The following CEP350 variants were observed in gnomAD, a reference collection of about 807,000 sequenced individuals.
The protein encoded by CEP350 is centrosome-associated protein 350.
In CEP350, 126 loss-of-function variants were observed where a neutral mutation model predicts 331.8. The observed-to-expected ratio is 0.38, with a 90% CI of 0.33 to 0.44. CEP350 has a LOEUF of 0.44. Among genes scored for constraint, CEP350 ranks in the 20% least tolerant of loss-of-function variants. CEP350 has a pLI of 1.00. For synonymous variants in CEP350, 1,200 were observed against 1,259.5 expected (o/e 0.95, Z 1.00); for missense variants, 3,406 against 3,634.6 (o/e 0.94, Z 1.62).
intron 1 of CEP350, among the ~76,000 whole-genome samples, chr1:179,982,723 G>C (rs1652370972): frequency 6.6e-6 from 1 of 152,172 alleles, no homozygotes; most frequent in Non-Finnish European, 1.5e-5. Flanking sequence ...AGATATTCTA[G>C]TAATATAACT....
At chr1:179,961,906 C>G (rs1345863075) in intron 1 of CEP350, among the ~76,000 whole-genome samples, 2 of 152,080 alleles carry the variant, frequency 1.3e-5, no homozygotes, top group Non-Finnish European at 2.9e-5. Context: ...AGTGCAGTGG[C>G]TTGATCTAGG....
intron 6 of CEP350, among the ~76,000 whole-genome samples, chr1:180,002,736 A>G (rs1653948250): frequency 6.6e-6 from 1 of 152,228 alleles, no homozygotes; most frequent in Non-Finnish European, 1.5e-5. Flanking sequence ...TGGTATAGTC[A>G]TACAATGGAC....
Position 180,078,488 on chromosome 1 carries a change from A to G in CEP350, c.5793A>G (p.Pro1931=). The G allele has an allele frequency of 6.2e-7, 1 of 1,613,006 alleles. No homozygotes were observed. The highest frequency in any genetic ancestry group is 1.3e-5 in the African/African-American group (1 of 75,032). The change falls in exon 29 of 38, where the codon CCA becomes CCG. Residue 1931 remains proline, a synonymous_variant. Transcript: ENST00000367607. ...AAATAGCAAGTGAAGAGGAATCTCC[A>G]GTACCTCTGTACTCTCATCTAAACA... The part of the protein sequence containing the change: ...QKEIASEEES[P]VPLYSHLNSE...
intron 18 of CEP350, 117 bp from the exon 19 acceptor site, chr1:180,041,545 T>A: frequency 1.0e-6 from 1 of 981,504 alleles, no homozygotes; most frequent in Admixed American, 3.0e-5. Flanking sequence ...AAATCCAGAT[T>A]GTAGTAAAGT....
intron 4 of CEP350, 31 bp from the exon 5 acceptor site, chr1:179,992,031 A>G (rs753246445): frequency 2.0e-6 from 3 of 1,497,186 alleles, no homozygotes; most frequent in African/African-American, 1.5e-5. Flanking sequence ...ATTTTATATT[A>G]TATGTTCTCA....
At chr1:180,101,308 T>TA (rs1344158868) in intron 37 of CEP350, among the ~76,000 whole-genome samples, 2 of 152,138 alleles carry the variant, frequency 1.3e-5, no homozygotes, top group East Asian at 3.8e-4. Flanking sequence ...AACAAAATGA[T>TA]ACTGTCAGCT....
At chr1:180,009,166 C>A (rs570750764) in intron 8 of CEP350, among the ~76,000 whole-genome samples, 1 of 152,138 alleles carries the variant, frequency 6.6e-6, no homozygotes. Flanking sequence ...TGTGCCACCA[C>A]GCCCAGCTAA....
At chr1:179,995,835 C>T (rs1653420831) in intron 5 of CEP350, among the ~76,000 whole-genome samples, 1 of 152,184 alleles carries the variant, frequency 6.6e-6, no homozygotes, top group Admixed American at 6.5e-5. Flanking sequence ...TTTAACATTA[C>T]TAACCACATT....
At chr1:180,037,566 AACAAC>A (rs1656448463) in intron 17 of CEP350, among the ~76,000 whole-genome samples, 2 of 152,188 alleles carry the variant, frequency 1.3e-5, no homozygotes, top group African/African-American at 4.8e-5. Context: ...TGCTTTAAAC[AACAAC>A]AGCAACAAAA....
At chr1:180,074,764 G>GTT (rs1232364838) in intron 27 of CEP350, among the ~76,000 whole-genome samples, 20 of 152,214 alleles carry the variant, frequency 1.3e-4, no homozygotes, top group Non-Finnish European at 4.4e-5. Flanking sequence ...TATTCTGAAG[G>GTT]TTTTTTTCCT....
chr1:180,006,565 C>G lies in CEP350; in HGVS notation c.1244C>G (p.Thr415Arg). 6.9e-7 allele frequency: 1 copy of G among 1,458,610 alleles called. No individual in the cohort carries two copies. Among genetic ancestry groups the G allele is most frequent in the East Asian group, 2.5e-5 (1 of 40,726 alleles). 90.4% of individuals were successfully genotyped at this position (1,458,610 alleles called of 1,614,324 possible). A position where few individuals can be genotyped will look rare whatever the true frequency, so the allele number is the denominator to read the frequency against. ...VAQLSSTECR[T>R]GSSHLISTSS... is the part of the protein sequence containing the mutation. ...CAGTTATCAAGTACAGAATGCAGAA[C>G]AGGTTAGTTTTCTCAACATGTCCAT... The change falls in exon 8 of 38, where the codon ACA (threonine) becomes AGA (arginine). Residue 415 changes from threonine (T) to arginine (R), a missense_variant and splice_region_variant. Around this residue, in one of 5 missense-constraint regions of CEP350, gnomAD observed 1,857 missense variants for 1,909.2 expected, o/e 0.97. Coordinates refer to ENST00000367607, the MANE Select transcript of CEP350 (RefSeq NM_014810.5).
chr1:180,085,101 CCCCTTTCCCCTTT>C (rs1252944469), intron 31 of CEP350, among the ~76,000 whole-genome samples: 1 of 150,192 alleles, frequency 6.7e-6, no homozygotes, highest in Non-Finnish European at 1.5e-5. Context: ...CCTTCCCCTT[CCCCTTTCCCCTTT>C]CCCTTTCCCT....
chr1:179,993,967 G>C (rs139766290), intron 5 of CEP350, among the ~76,000 whole-genome samples: 91 of 152,120 alleles, frequency 6.0e-4, no homozygotes, highest in African/African-American at 2.0e-3. Context: ...ACATTTTCAG[G>C]TTGCATTATG....
rs560102562 is a variant in CEP350 at position 180,103,231 on chromosome 1, A to G, written c.9189+4246A>G. Among the ~76,000 whole-genome samples the G allele has an allele frequency of 5.3e-5, 8 of 152,342 alleles. No individual in the cohort carries two copies. The South Asian group carries it at 1.7e-3, about 32-fold the overall frequency. ...CCATCTTGCCTGCTCCTTACTGTGC[A>G]TGTGGCAAAGAGAAGAGAAGATGGA... On this transcript the variant is annotated intron_variant, in intron 37 of 37. Transcript: ENST00000367607.
chr1:180,057,099 C>CTTTT (rs1184545742), intron 25 of CEP350, among the ~76,000 whole-genome samples: 1 of 137,728 alleles, frequency 7.3e-6, no homozygotes, highest in African/African-American at 2.7e-5. Context: ...ACTTTTCTTT[C>CTTTT]TTTTTTTTTT....
At chr1:180,087,156 A>T (rs776182485) in intron 31 of CEP350, 1 of 152,414 alleles carries the variant, frequency 6.6e-6, no homozygotes, top group East Asian at 1.9e-4. Flanking sequence ...CATAATTTGT[A>T]TCCCTAAGTA....
Position 180,037,066 on chromosome 1 carries a change from G to A in CEP350, c.4087G>A (p.Val1363Met). The A allele has an allele frequency of 1.2e-6, 2 of 1,603,446 alleles. No homozygotes were observed. The highest frequency in any genetic ancestry group is 1.3e-5 in the African/African-American group (1 of 74,810). ...RGISLAQQESVSLAQIIKAQQ... is the reference protein window; with the variant it reads ...RGISLAQQESMSLAQIIKAQQ... ...CATTTCACTTGCTCAGCAGGAGAGTGTGTCTCTAGCTCAGATAATAAAGGT... is the reference window on the plus strand; with the variant it reads ...CATTTCACTTGCTCAGCAGGAGAGTATGTCTCTAGCTCAGATAATAAAGGT... The change falls in exon 17 of 38, where the codon GTG becomes ATG. Residue 1363 changes from valine to methionine, a missense_variant. Val to Met is a conservative substitution (Grantham distance 21, BLOSUM62 1). Around this residue, in one of 5 missense-constraint regions of CEP350, gnomAD observed 1,857 missense variants for 1,909.2 expected, o/e 0.97. Coordinates refer to ENST00000367607, the MANE Select transcript of CEP350 (RefSeq NM_014810.5).
Position 180,044,057 on chromosome 1 carries a change from T to G in CEP350, c.4506T>G (p.Ser1502Arg). The change falls in exon 21 of 38, where the codon AGT becomes AGG. Residue 1502 changes from serine (S) to arginine (R), a missense_variant. Ser to Arg is a moderately radical substitution (Grantham distance 110). This residue lies in a region of CEP350 where 1,857 missense variants were observed against 1,909.2 expected (regional missense o/e 0.97). Coordinates refer to ENST00000367607, the MANE Select transcript of CEP350 (RefSeq NM_014810.5). Reference protein sequence around the residue: ...LRTRTETDRKSPSVSLSQSKE... With the variant: ...LRTRTETDRKRPSVSLSQSKE... ...GTTTTTATTTTATTTGTAGGAAAAG[T>G]CCATCTGTTTCACTCTCTCAGAGTA... 1 of 1,532,428 alleles carries G rather than the reference T, an allele frequency of 6.5e-7. No individual in the cohort carries two copies. Among genetic ancestry groups the G allele is most frequent in the South Asian group, 1.3e-5 (1 of 79,670 alleles). The allele number at this position is 1,532,428 out of a possible 1,614,324, so 94.9% of individuals were successfully genotyped here.
At position 180,093,832 on chromosome 1, in the gene CEP350, T is replaced by A. The variant is rs992804407; in HGVS notation, c.7727T>A (p.Ile2576Asn). ...IPENFDDYVDINEDEDCYSDE... is the reference protein window; with the variant it reads ...IPENFDDYVDNNEDEDCYSDE... The stretch of plus-strand genomic sequence containing the variant: ...GAAAACTTTGATGACTATGTAGACA[T>A]TAATGAAGATGAAGACTGTTACTCA... Residue 2576 changes from isoleucine (I) to asparagine (N), a missense_variant, in exon 34 of 38, where the codon ATT (isoleucine) becomes AAT (asparagine). Coordinates refer to ENST00000367607, the MANE Select transcript of CEP350 (RefSeq NM_014810.5). 6.2e-7 allele frequency: 1 copy of A among 1,613,732 alleles called. No homozygotes were observed. Among genetic ancestry groups the A allele is most frequent in the Admixed American group, 1.7e-5 (1 of 59,998 alleles).
Sources: allele counts gnomAD v4.1 joint callset (sites outside exome capture counted in the v4.1 genomes callset), GRCh38; gene constraint gnomAD v4.1.1; regional missense constraint gnomAD v4.1.1; transcripts MANE v1.5; gene names NCBI Gene and HGNC (gene_info 2026-07-23, HGNC 2026-07-21).